Variants in PDE4D observed in about 807,000 individuals in gnomAD.
The protein encoded by PDE4D is 3',5'-cyclic-AMP phosphodiesterase 4D.
A neutral mutation model predicts 87.4 loss-of-function variants in PDE4D; 24 were observed. The ratio of observed to expected loss-of-function variants is 0.27; its 90% CI spans 0.20 to 0.39. PDE4D has a LOEUF of 0.39. Among genes scored for constraint, PDE4D ranks in the 10% least tolerant of loss-of-function variants. The pLI is 1.00. For missense variants in PDE4D, 714 were observed against 1,041.0 expected (o/e 0.69, Z 4.32); for synonymous variants, 384 against 383.2 (o/e 1.00, Z -0.02).
intron 1 of PDE4D, among the ~76,000 whole-genome samples, chr5:60,462,704 C>T (rs914641424): frequency 1.3e-5 from 2 of 152,188 alleles, no homozygotes; most frequent in Non-Finnish European, 2.9e-5. Flanking sequence ...CCCAGCTACA[C>T]CGAACTGTAG....
At chr5:59,780,694 T>C (rs1169622446) in intron 1 of PDE4D, among the ~76,000 whole-genome samples, 1 of 152,214 alleles carries the variant, frequency 6.6e-6, no homozygotes, top group Non-Finnish European at 1.5e-5. Context: ...CAATGGTCTA[T>C]AGATAAGGCC....
intron 3 of PDE4D, among the ~76,000 whole-genome samples, chr5:59,929,196 G>A (rs1003585093): frequency 3.9e-5 from 6 of 151,998 alleles, no homozygotes; most frequent in African/African-American, 1.5e-4. Context: ...TTTACTACAT[G>A]TCATCCATAC....
chr5:60,496,229 G>A (rs567638910), intron 1 of PDE4D, among the ~76,000 whole-genome samples: 14 of 152,266 alleles, frequency 9.2e-5, no homozygotes, highest in African/African-American at 3.1e-4. Context: ...ACAAAGCGCT[G>A]TTGTTTAAGA....
intron 1 of PDE4D, among the ~76,000 whole-genome samples, chr5:60,404,406 C>T (rs910578210): frequency 6.6e-6 from 1 of 152,156 alleles, no homozygotes; most frequent in African/African-American, 2.4e-5. Context: ...ATTACCTCTG[C>T]TCAAGTGACT....
At chr5:59,992,418 C>A (rs143986201) in intron 2 of PDE4D, among the ~76,000 whole-genome samples, 2 of 152,150 alleles carry the variant, frequency 1.3e-5, no homozygotes, top group African/African-American at 4.8e-5. Context: ...TAACAAACTC[C>A]CTTTCACATA....
intron 1 of PDE4D, among the ~76,000 whole-genome samples, chr5:59,691,022 T>A (rs1750819409): frequency 1.3e-5 from 2 of 152,144 alleles, no homozygotes; most frequent in Non-Finnish European, 2.9e-5. Flanking sequence ...CACAATGAGA[T>A]ATCATCTCAC....
intron 1 of PDE4D, among the ~76,000 whole-genome samples, chr5:59,405,672 T>C (rs560602865): frequency 6.6e-6 from 1 of 152,302 alleles, no homozygotes; most frequent in African/African-American, 2.4e-5. Context: ...TAGCTGTGGG[T>C]CTGTCATATA....
intron 5 of PDE4D, among the ~76,000 whole-genome samples, chr5:59,175,130 G>A (rs1433980541): frequency 6.6e-6 from 1 of 152,208 alleles, no homozygotes; most frequent in East Asian, 1.9e-4. Context: ...CACTGTCCCA[G>A]TGCAGGTATG....
At chr5:59,213,631 C>T (rs2153504756) in intron 2 of PDE4D, among the ~76,000 whole-genome samples, 1 of 152,212 alleles carries the variant, frequency 6.6e-6, no homozygotes, top group East Asian at 1.9e-4. Flanking sequence ...CTACTCCACC[C>T]ATCAGCCTTT....
At chr5:60,430,118 G>A in intron 1 of PDE4D, 1 of 524,860 alleles carries the variant, frequency 1.9e-6, no homozygotes, top group Non-Finnish European at 3.8e-6. Flanking sequence ...ATCTCCTTCA[G>A]GGCAAGTTTC....
chr5:59,712,393 C>CATAT (rs5868190), intron 1 of PDE4D, among the ~76,000 whole-genome samples: 2,055 of 122,374 alleles, frequency 0.017, 24 homozygotes, highest in African/African-American at 0.028. Context: ...TAATATTATT[C>CATAT]ATATATATAT....
intron 2 of PDE4D, among the ~76,000 whole-genome samples, chr5:59,996,462 A>G (rs932262616): frequency 2.6e-5 from 4 of 152,194 alleles, no homozygotes; most frequent in African/African-American, 9.6e-5. Context: ...ACAGTGGATT[A>G]AAAGTCATAT....
intron 12 of PDE4D, 52 bp from the exon 13 acceptor site, chr5:58,976,524 GAAAATATTACGC>G: frequency 7.4e-7 from 1 of 1,343,446 alleles, no homozygotes; most frequent in Non-Finnish European, 1.0e-6. Flanking sequence ...ATTTACACAT[GAAAATATTACGC>G]AGAATATAAG....
intron 1 of PDE4D, among the ~76,000 whole-genome samples, chr5:60,517,471 A>G (rs991476357): frequency 3.3e-5 from 5 of 152,222 alleles, no homozygotes; most frequent in Non-Finnish European, 2.9e-5. Flanking sequence ...CCATAGACCA[A>G]TTAGCACTCA....
intron 5 of PDE4D, among the ~76,000 whole-genome samples, chr5:59,132,820 T>G (rs1255503143): frequency 6.6e-6 from 1 of 152,160 alleles, no homozygotes; most frequent in Non-Finnish European, 1.5e-5. Flanking sequence ...TCCTTGTCAG[T>G]CCAAACCCAC....
chr5:59,046,356 A>G (rs1387846035), intron 5 of PDE4D, among the ~76,000 whole-genome samples: 1 of 151,750 alleles, frequency 6.6e-6, no homozygotes, highest in Non-Finnish European at 1.5e-5. Context: ...AAGAGAAAGG[A>G]GTCAGCTTGG....
chr5:60,368,019 T>C (rs1156359464), intron 1 of PDE4D, among the ~76,000 whole-genome samples: 3 of 152,200 alleles, frequency 2.0e-5, no homozygotes, highest in African/African-American at 7.2e-5. Flanking sequence ...AGAAGCATTA[T>C]GGAGAAGGAG....
At chr5:60,067,895 G>T (rs144930499) in intron 2 of PDE4D, among the ~76,000 whole-genome samples, 1 of 152,158 alleles carries the variant, frequency 6.6e-6, no homozygotes, top group East Asian at 1.9e-4. Flanking sequence ...GTCACATACG[G>T]CAATAGTTCC....
chr5:60,077,983 C>CTCTA (rs997411422), intron 2 of PDE4D, among the ~76,000 whole-genome samples: 2 of 152,130 alleles, frequency 1.3e-5, no homozygotes. Context: ...TGTGTCTTCC[C>CTCTA]TCTATCTGCC....
Sources: allele counts gnomAD v4.1 joint callset (sites outside exome capture counted in the v4.1 genomes callset), GRCh38; gene constraint gnomAD v4.1.1; transcripts MANE v1.5; gene names NCBI Gene and HGNC (gene_info 2026-07-23, HGNC 2026-07-21).